UTRN: variants seen among roughly 807,000 people sequenced by gnomAD.
UTRN encodes dystrophin-related protein 1.
UTRN carries 283 observed loss-of-function variants against 463.9 expected under a neutral mutation model. That is an observed-to-expected ratio of 0.61 (90% CI 0.55 to 0.67). The LOEUF is 0.67. Ranked by LOEUF, UTRN falls within the 30% of genes least tolerant of loss-of-function variation. The pLI is 0.00. For synonymous variants in UTRN, 1,442 were observed against 1,431.5 expected (o/e 1.01, Z -0.17); for missense variants, 3,922 against 4,084.3 (o/e 0.96, Z 1.08).
chr6:144,536,704 T>C lies in UTRN; in HGVS notation c.6234-878T>C, dbSNP rs535511710. On this transcript the variant is annotated intron_variant, in intron 43 of 74. Transcript: ENST00000367545. Reference sequence around the variant, plus strand: ...AATACAATTTATTTAAAAATTGCATTCAGTTTTTAAACCAGCAGTTAATTA... The same window carrying C: ...AATACAATTTATTTAAAAATTGCATCCAGTTTTTAAACCAGCAGTTAATTA... Among the ~76,000 whole-genome samples the C allele has an allele frequency of 1.9e-4, 29 of 152,138 alleles. No homozygotes were observed. The South Asian group carries it at 5.8e-3, about 31-fold the overall frequency.
At chr6:144,307,409 G>T (rs955025906) in intron 2 of UTRN, among the ~76,000 whole-genome samples, 1 of 152,160 alleles carries the variant, frequency 6.6e-6, no homozygotes, top group Admixed American at 6.5e-5. Context: ...CTTAGAAAAA[G>T]GGTCCACAGT....
chr6:144,374,569 C>T (rs558604660), intron 2 of UTRN, among the ~76,000 whole-genome samples: 6 of 151,754 alleles, frequency 4.0e-5, no homozygotes, highest in African/African-American at 1.2e-4. Context: ...TTGCAACCTC[C>T]GCCTCCCGGG....
intron 23 of UTRN, among the ~76,000 whole-genome samples, chr6:144,469,978 T>G (rs571982821): frequency 1.1e-4 from 16 of 152,330 alleles, no homozygotes; most frequent in African/African-American, 2.4e-4. Flanking sequence ...ATTTAACCCT[T>G]AGTGGACACA....
Position 144,447,284 on chromosome 6 carries a change from A to C in UTRN, c.1688A>C (p.Gln563Pro), listed in dbSNP as rs759957797. 9 of 1,613,894 alleles carry C rather than the reference A, an allele frequency of 5.6e-6. No homozygotes were observed. Among genetic ancestry groups the C allele is most frequent in the Non-Finnish European group, 7.6e-6 (9 of 1,179,840 alleles). ...GTCCAGACAAGCAACTTCAAAGACC[A>C]AAAGGAACTAAGTGTCAGTGTTCGA... ...NKVQTSNFKDQKELSVSVRRL... is the reference protein window; with the variant it reads ...NKVQTSNFKDPKELSVSVRRL... The change falls in exon 15 of 75, where the codon CAA (glutamine) becomes CCA (proline). Residue 563 changes from glutamine (Q) to proline (P), a missense_variant. By Grantham distance (76) the Gln-to-Pro change is moderately conservative. Transcript: ENST00000367545.
intron 54 of UTRN, among the ~76,000 whole-genome samples, chr6:144,739,528 A>G (rs1423480478): frequency 6.6e-6 from 1 of 152,168 alleles, no homozygotes; most frequent in Non-Finnish European, 1.5e-5. Flanking sequence ...TTTCCTCACT[A>G]ACAACTTTAT....
At chr6:144,410,995 T>A (rs1364911340) in intron 3 of UTRN, among the ~76,000 whole-genome samples, 2 of 152,220 alleles carry the variant, frequency 1.3e-5, no homozygotes, top group Non-Finnish European at 2.9e-5. Flanking sequence ...GCTGGTTCCA[T>A]GTTTTTGCAA....
In UTRN at chr6:144,618,902, G is replaced by C. The variant is rs147948153; in HGVS notation, c.7479+41614G>C. Among the ~76,000 whole-genome samples the C allele has an allele frequency of 5.6e-3, 848 of 152,184 alleles. 6 individuals carry two copies. Among genetic ancestry groups the C allele is most frequent in the Middle Eastern group, 0.01 (3 of 294 alleles). ...ATTTAAAATGATATATTTAGGTATA[G>C]TATTTAACAACTTTTATGTTCCTCA... On this transcript the variant is annotated intron_variant, in intron 51 of 74. Transcript: ENST00000367545.
intron 51 of UTRN, among the ~76,000 whole-genome samples, chr6:144,620,918 T>TA (rs2128647353): frequency 6.6e-6 from 1 of 152,234 alleles, no homozygotes; most frequent in Admixed American, 6.5e-5. Flanking sequence ...ACAGCATACT[T>TA]AGGTTGGTCA....
intron 51 of UTRN, among the ~76,000 whole-genome samples, chr6:144,662,954 A>G (rs1169704790): frequency 6.6e-6 from 1 of 152,174 alleles, no homozygotes; most frequent in Non-Finnish European, 1.5e-5. Flanking sequence ...AATGTTTGGC[A>G]TGTGGTTGAG....
At chr6:144,396,922 G>A (rs1315732765) in intron 2 of UTRN, among the ~76,000 whole-genome samples, 2 of 152,094 alleles carry the variant, frequency 1.3e-5, no homozygotes, top group Admixed American at 6.5e-5. Flanking sequence ...GATAGTTTTG[G>A]TGGGTTAGGT....
chr6:144,344,117 A>G (rs931998604), intron 2 of UTRN: 1 of 1,182,270 alleles, frequency 8.5e-7, no homozygotes, highest in African/African-American at 1.6e-5. Flanking sequence ...AAAACCCAAA[A>G]TAACACAGGA....
chr6:144,775,957 T>G (rs1422285060), intron 60 of UTRN, among the ~76,000 whole-genome samples: 1 of 152,198 alleles, frequency 6.6e-6, no homozygotes, highest in African/African-American at 2.4e-5. Context: ...TAATGACAAT[T>G]AAACAACTAA....
chr6:144,339,434 A>G (rs1176887156), intron 2 of UTRN, among the ~76,000 whole-genome samples: 7 of 152,134 alleles, frequency 4.6e-5, no homozygotes, highest in African/African-American at 1.4e-4. Flanking sequence ...AGACCTATAG[A>G]TTAGTTCATA....
At chr6:144,763,496 T>G (rs1792937767) in intron 58 of UTRN, among the ~76,000 whole-genome samples, 1 of 152,212 alleles carries the variant, frequency 6.6e-6, no homozygotes, top group East Asian at 1.9e-4. Context: ...GTAGTTGATC[T>G]TTATCGCAGT....
At chr6:144,557,514 C>T (rs1354610737) in intron 50 of UTRN, among the ~76,000 whole-genome samples, 6 of 152,056 alleles carry the variant, frequency 3.9e-5, no homozygotes, top group Non-Finnish European at 8.8e-5. Flanking sequence ...TGAATTTTTA[C>T]AATGGAGTTT....
At chr6:144,597,243 A>C (rs1356343727) in intron 51 of UTRN, among the ~76,000 whole-genome samples, 1 of 152,058 alleles carries the variant, frequency 6.6e-6, no homozygotes, top group African/African-American at 2.4e-5. Flanking sequence ...CTCAAAAAAA[A>C]AAAAAAAAAG....
At chr6:144,569,419 A>G (rs905278478) in intron 50 of UTRN, among the ~76,000 whole-genome samples, 2 of 152,124 alleles carry the variant, frequency 1.3e-5, no homozygotes, top group Admixed American at 1.3e-4. Flanking sequence ...ATTAAATTTC[A>G]CATTTGCATG....
intron 3 of UTRN, among the ~76,000 whole-genome samples, chr6:144,417,133 T>C (rs918981487): frequency 6.6e-6 from 1 of 152,182 alleles, no homozygotes; most frequent in Admixed American, 6.5e-5. Flanking sequence ...AAAAAAATAG[T>C]CTGCATTTTG....
intron 58 of UTRN, among the ~76,000 whole-genome samples, chr6:144,761,928 A>G (rs997414762): frequency 4.6e-5 from 7 of 152,186 alleles, no homozygotes; most frequent in African/African-American, 1.4e-4. Flanking sequence ...AGTTTGCCAC[A>G]GAAATAATAA....
Sources: allele counts gnomAD v4.1 joint callset (sites outside exome capture counted in the v4.1 genomes callset), GRCh38; gene constraint gnomAD v4.1.1; transcripts MANE v1.5; gene names NCBI Gene and HGNC (gene_info 2026-07-23, HGNC 2026-07-21).